FRMD4B: variants seen among roughly 807,000 people sequenced by gnomAD.
The protein encoded by FRMD4B is FERM domain containing 4B, also known as FERM domain-containing protein 4B.
FRMD4B carries 74 observed loss-of-function variants against 141.5 expected under a neutral mutation model. That is an observed-to-expected ratio of 0.52 (90% CI 0.43 to 0.63). The LOEUF is 0.63. FRMD4B is among the 30% of genes least tolerant of loss of function. FRMD4B has a pLI of 0.00. For missense variants in FRMD4B, 1,366 were observed against 1,253.4 expected (o/e 1.09, Z -1.36); for synonymous variants, 506 against 467.9 (o/e 1.08, Z -1.05).
intron 8 of FRMD4B, among the ~76,000 whole-genome samples, chr3:69,222,404 T>C (rs539429699): frequency 7.7e-6 from 1 of 130,658 alleles, no homozygotes. Context: ...GAGGTGGAGA[T>C]AGCAGTGAGC....
chr3:69,479,862 G>C (rs1001029735), intron 1 of FRMD4B, among the ~76,000 whole-genome samples: 2 of 152,134 alleles, frequency 1.3e-5, no homozygotes, highest in African/African-American at 4.8e-5. Context: ...CGTAGATTTG[G>C]TCTTTTCACA....
chr3:69,377,589 G>T (rs1308698173), intron 1 of FRMD4B, among the ~76,000 whole-genome samples: 1 of 152,136 alleles, frequency 6.6e-6, no homozygotes, highest in Non-Finnish European at 1.5e-5. Context: ...TCTGGAAATC[G>T]CAGTCCCTTA....
At chr3:69,481,066 G>T (rs1438859366) in intron 1 of FRMD4B, among the ~76,000 whole-genome samples, 2 of 152,190 alleles carry the variant, frequency 1.3e-5, no homozygotes, top group Admixed American at 6.5e-5. Flanking sequence ...CGTCGGAAAA[G>T]CCCAGTGTTA....
intron 7 of FRMD4B, among the ~76,000 whole-genome samples, chr3:69,239,849 C>T (rs1286368615): frequency 6.6e-6 from 1 of 151,922 alleles, no homozygotes; most frequent in Non-Finnish European, 1.5e-5. Flanking sequence ...CTCAAGAGTT[C>T]GAGACCAGCC....
At chr3:69,400,450 G>A (rs1312462520) in intron 2 of FRMD4B, among the ~76,000 whole-genome samples, 2 of 152,090 alleles carry the variant, frequency 1.3e-5, no homozygotes, top group African/African-American at 2.4e-5. Context: ...GAATAATAAG[G>A]CTTAGAAACT....
chr3:69,249,101 T>C, intron 7 of FRMD4B, 125 bp downstream of exon 7: 1 of 626,112 alleles, frequency 1.6e-6, no homozygotes, highest in Non-Finnish European at 2.8e-6. Context: ...AGCGAAGAGA[T>C]CTCAGTCTCC....
intron 2 of FRMD4B, among the ~76,000 whole-genome samples, chr3:69,407,420 T>G (rs1045665772): frequency 6.6e-6 from 1 of 152,194 alleles, no homozygotes; most frequent in Non-Finnish European, 1.5e-5. Flanking sequence ...ACTCTACTAT[T>G]TAAAGGGAGG....
At chr3:69,369,150 A>G (rs550817442) in intron 1 of FRMD4B, among the ~76,000 whole-genome samples, 6 of 152,252 alleles carry the variant, frequency 3.9e-5, no homozygotes, top group Non-Finnish European at 8.8e-5. Context: ...TGGTGGAAAA[A>G]AAGCGAAAGC....
intron 9 of FRMD4B, among the ~76,000 whole-genome samples, chr3:69,218,623 A>G (rs1041482732): frequency 6.6e-6 from 1 of 152,228 alleles, no homozygotes; most frequent in African/African-American, 2.4e-5. Context: ...CTTTCCACAC[A>G]TTCAAATGTT....
intron 4 of FRMD4B, among the ~76,000 whole-genome samples, chr3:69,293,612 G>A (rs1283963462): frequency 4.6e-5 from 7 of 151,928 alleles, no homozygotes; most frequent in Non-Finnish European, 1.0e-4. Context: ...GGCCAGGCGC[G>A]GCTCATGCCA....
intron 1 of FRMD4B, among the ~76,000 whole-genome samples, chr3:69,467,207 T>C (rs1705806354): frequency 6.6e-6 from 1 of 152,160 alleles, no homozygotes; most frequent in Admixed American, 6.5e-5. Context: ...CAATTTGACA[T>C]GTCACTTTGG....
At chr3:69,324,455 T>G (rs1176259271) in intron 1 of FRMD4B, among the ~76,000 whole-genome samples, 1 of 152,234 alleles carries the variant, frequency 6.6e-6, no homozygotes, top group Non-Finnish European at 1.5e-5. Context: ...CCTACAGTTC[T>G]CAACTTCATT....
intron 1 of FRMD4B, among the ~76,000 whole-genome samples, chr3:69,525,583 C>T (rs1299104853): frequency 1.3e-5 from 2 of 152,212 alleles, no homozygotes; most frequent in Non-Finnish European, 2.9e-5. Context: ...CTGTTATTTG[C>T]ACACTTATAG....
intron 1 of FRMD4B, among the ~76,000 whole-genome samples, chr3:69,534,406 T>C (rs17006084): frequency 0.23 from 34,435 of 152,124 alleles, 4,053 homozygotes; most frequent in Admixed American, 0.27. Flanking sequence ...CTATCTATCA[T>C]CTAAAATTAA....
intron 1 of FRMD4B, among the ~76,000 whole-genome samples, chr3:69,433,948 G>A (rs1705219563): frequency 6.6e-6 from 1 of 152,116 alleles, no homozygotes; most frequent in African/African-American, 2.4e-5. Context: ...AGATAAATGA[G>A]GTACAGAAAG....
chr3:69,218,410 A>G (rs751714515), intron 9 of FRMD4B, 31 bp from the exon 10 acceptor site: 1 of 1,038,758 alleles, frequency 9.6e-7, no homozygotes, highest in Non-Finnish European at 1.5e-6. Context: ...TCACAATCTT[A>G]TTAAAATAGT....
intron 5 of FRMD4B, among the ~76,000 whole-genome samples, chr3:69,259,954 G>C (rs980973110): frequency 6.6e-6 from 1 of 152,146 alleles, no homozygotes; most frequent in African/African-American, 2.4e-5. Flanking sequence ...ACCATGCCTG[G>C]CTAATGAAAT....
chr3:69,501,766 G>A (rs1210364188), intron 1 of FRMD4B, among the ~76,000 whole-genome samples: 1 of 152,160 alleles, frequency 6.6e-6, no homozygotes, highest in South Asian at 2.1e-4. Context: ...TGACATGATT[G>A]TATATCTAGA....
intron 1 of FRMD4B, among the ~76,000 whole-genome samples, chr3:69,470,354 T>C (rs1288311590): frequency 2.0e-5 from 3 of 152,222 alleles, no homozygotes; most frequent in Non-Finnish European, 4.4e-5. Context: ...CTCTATTCCT[T>C]GGAGAAGCAT....
Sources: gnomAD v4.1 joint callset for allele counts (sites outside exome capture counted in the v4.1 genomes callset) on GRCh38, gnomAD v4.1.1 for gene constraint, MANE v1.5 for transcripts, NCBI Gene and HGNC (gene_info 2026-07-23, HGNC 2026-07-21) for gene names.